Variants in MBD5 observed in about 807,000 individuals in gnomAD.
MBD5 encodes methyl-CpG binding domain protein 5, also known as methyl-CpG-binding domain protein 5.
Under a neutral mutation model 117.3 loss-of-function variants are expected in MBD5, and 13 were observed. The observed-to-expected ratio is 0.11, with a 90% CI of 0.07 to 0.18. The LOEUF (loss-of-function observed/expected upper bound fraction) is 0.18, where lower values mean the gene tolerates loss of function less well. MBD5 is among the 10% of genes least tolerant of loss of function. The pLI is 1.00. For missense variants in MBD5, 1,879 were observed against 2,093.8 expected, an observed-to-expected ratio of 0.90 and a Z score of 2.00; for synonymous variants, 727 against 766.4, an observed-to-expected ratio of 0.95 and a Z score of 0.85.
intron 12 of MBD5, among the ~76,000 whole-genome samples, chr2:148,502,799 A>G (rs1681913814): frequency 6.6e-6 from 1 of 152,228 alleles, no homozygotes; most frequent in African/African-American, 2.4e-5. Context: ...TATAATTAAT[A>G]TTCTCAACAT....
chr2:148,490,661 A>T, intron 11 of MBD5, 67 bp downstream of exon 11: 1 of 1,585,222 alleles, frequency 6.3e-7, no homozygotes, highest in African/African-American at 1.3e-5. Flanking sequence ...GCTTTTTGTT[A>T]TCATCACTTT....
chr2:148,327,661 C>T (rs28831467), intron 3 of MBD5, among the ~76,000 whole-genome samples: 3 of 151,236 alleles, frequency 2.0e-5, no homozygotes, highest in Non-Finnish European at 4.4e-5. Context: ...GCATTCTTCA[C>T]ATAGTTATCG....
Position 148,458,603 on chromosome 2 carries a change from T to A in MBD5, c.-156T>A. 1.5e-6 allele frequency: 1 copy of A among 673,838 alleles called. No homozygotes were observed. Among genetic ancestry groups the A allele is most frequent in the Non-Finnish European group, 2.7e-6 (1 of 368,664 alleles). 41.7% of individuals were successfully genotyped at this position (673,838 alleles called of 1,614,324 possible). ...TTTCACAATGGCATATTTCAAGGAC[T>A]TGGTTCCAAACTGAGCTGAAGCTTC... is the stretch of plus-strand genomic sequence containing the variant. On this transcript the variant is annotated 5_prime_UTR_variant, in exon 5 of 14. The change creates a new upstream start codon in the 5' untranslated region. Transcript: ENST00000642680.
chr2:148,421,459 G>A (rs548238535), intron 4 of MBD5, among the ~76,000 whole-genome samples: 8 of 152,168 alleles, frequency 5.3e-5, no homozygotes, highest in East Asian at 1.9e-4. Flanking sequence ...CAGTGCCTAC[G>A]CCAACAGGGT....
chr2:148,282,939 T>A (rs1344472686), intron 3 of MBD5, among the ~76,000 whole-genome samples: 1 of 137,688 alleles, frequency 7.3e-6, no homozygotes, highest in Non-Finnish European at 1.6e-5. Flanking sequence ...GTCTCTATAC[T>A]AGTCAGTGTA....
intron 1 of MBD5, among the ~76,000 whole-genome samples, chr2:148,157,768 A>T (rs914316068): frequency 6.6e-6 from 1 of 152,212 alleles, no homozygotes; most frequent in Admixed American, 6.5e-5. Flanking sequence ...AATAATACAC[A>T]TAGAAGTAAG....
intron 1 of MBD5, among the ~76,000 whole-genome samples, chr2:148,136,855 T>A (rs1392959163): frequency 6.6e-6 from 1 of 152,028 alleles, no homozygotes; most frequent in Non-Finnish European, 1.5e-5. Flanking sequence ...CTCCACCTCC[T>A]GGGTTCAAGC....
At chr2:148,182,331 T>C (rs944374271) in intron 2 of MBD5, among the ~76,000 whole-genome samples, 1 of 152,188 alleles carries the variant, frequency 6.6e-6, no homozygotes, top group Admixed American at 6.5e-5. Context: ...ATGTATTATA[T>C]GTATAGAATT....
chr2:148,267,115 G>C (rs1332513166), intron 3 of MBD5, among the ~76,000 whole-genome samples: 1 of 152,146 alleles, frequency 6.6e-6, no homozygotes, highest in Non-Finnish European at 1.5e-5. Context: ...TTTGGGAGGT[G>C]ATGAGGGGTG....
At chr2:148,414,699 G>C (rs968561771) in intron 4 of MBD5, among the ~76,000 whole-genome samples, 13 of 152,166 alleles carry the variant, frequency 8.5e-5, no homozygotes, top group African/African-American at 3.1e-4. Flanking sequence ...TAATGGAACC[G>C]CTTACCACTA....
At chr2:148,487,996 A>C (rs1040242869) in intron 10 of MBD5, among the ~76,000 whole-genome samples, 5 of 152,256 alleles carry the variant, frequency 3.3e-5, no homozygotes, top group Admixed American at 3.3e-4. Context: ...GCTATAGGAA[A>C]GACCCAGAAA....
At chr2:148,204,013 G>A (rs536154574) in intron 2 of MBD5, among the ~76,000 whole-genome samples, 8 of 152,154 alleles carry the variant, frequency 5.3e-5, no homozygotes, top group Admixed American at 5.2e-4. Context: ...CTCTAATTTT[G>A]CTGAAAATAT....
chr2:148,492,964 C>A (rs1384850526), intron 11 of MBD5, among the ~76,000 whole-genome samples: 1 of 151,112 alleles, frequency 6.6e-6, no homozygotes, highest in Non-Finnish European at 1.5e-5. Flanking sequence ...TGTAGAACTC[C>A]TTAATGCCCA....
chr2:148,094,447 T>G (rs1389511270), intron 1 of MBD5, among the ~76,000 whole-genome samples: 1 of 152,220 alleles, frequency 6.6e-6, no homozygotes, highest in African/African-American at 2.4e-5. Flanking sequence ...CTCTGCATGT[T>G]ATTACTTTCA....
intron 3 of MBD5, among the ~76,000 whole-genome samples, chr2:148,269,350 C>T (rs916148078): frequency 6.6e-6 from 1 of 151,720 alleles, no homozygotes; most frequent in Non-Finnish European, 1.5e-5. Flanking sequence ...GTTCTCTTCT[C>T]AGATCAATCC....
chr2:148,293,048 T>C (rs7572485), intron 3 of MBD5, among the ~76,000 whole-genome samples: 143,108 of 151,810 alleles, frequency 0.94, 67,974 homozygotes, highest in East Asian at 1. Flanking sequence ...AAGTGTGGCT[T>C]ATGCCTCTAA....
At chr2:148,301,251 A>G (rs1278272596) in intron 3 of MBD5, among the ~76,000 whole-genome samples, 3 of 152,158 alleles carry the variant, frequency 2.0e-5, no homozygotes, top group Non-Finnish European at 2.9e-5. Context: ...GCTGGAAGGA[A>G]CATAGAAGGT....
chr2:148,381,027 G>A (rs141862040), intron 4 of MBD5, among the ~76,000 whole-genome samples: 1 of 152,104 alleles, frequency 6.6e-6, no homozygotes, highest in East Asian at 1.9e-4. Flanking sequence ...GGAAAAAACA[G>A]AGCAGAAAAA....
chr2:148,038,639 T>C (rs1694266240), intron 1 of MBD5, among the ~76,000 whole-genome samples: 1 of 151,920 alleles, frequency 6.6e-6, no homozygotes, highest in Non-Finnish European at 1.5e-5. Context: ...TACTGTGAAT[T>C]AATCTTCACT....
Sources: gnomAD v4.1 joint callset for allele counts (sites outside exome capture counted in the v4.1 genomes callset) on GRCh38, gnomAD v4.1.1 for gene constraint, MANE v1.5 for transcripts, NCBI Gene and HGNC (gene_info 2026-07-23, HGNC 2026-07-21) for gene names.